Variants in CEP57L1 observed in about 807,000 individuals in gnomAD.
CEP57L1 encodes centrosomal protein CEP57L1.
CEP57L1 carries 37 observed loss-of-function variants against 61.0 expected under a neutral mutation model. The observed-to-expected ratio is 0.61, with a 90% CI of 0.47 to 0.80. The LOEUF (loss-of-function observed/expected upper bound fraction) is 0.80, where lower values mean the gene tolerates loss of function less well. CEP57L1 is among the 30% of genes least tolerant of loss of function. CEP57L1 has a pLI of 0.00. For synonymous variants in CEP57L1, 137 were observed against 162.3 expected, an observed-to-expected ratio of 0.84 and a Z score of 1.19; for missense variants, 422 against 524.7, an observed-to-expected ratio of 0.80 and a Z score of 1.91.
intron 3 of CEP57L1, among the ~76,000 whole-genome samples, chr6:109,149,911 C>T (rs931790543): frequency 6.6e-6 from 1 of 152,008 alleles, no homozygotes; most frequent in African/African-American, 2.4e-5. Context: ...CATGATTTGG[C>T]TCTCTGTTTG....
rs550124808 is a variant in CEP57L1 at position 109,172,007 on chromosome 6, G to A, written c.*9037G>A. Among the ~76,000 whole-genome samples the A allele has an allele frequency of 1.1e-4, 16 of 152,282 alleles. No homozygotes were observed. The highest frequency in any genetic ancestry group is 1.0e-3 in the South Asian group (5 of 4,826). ...CCTTCAGGATCAGTGATTCACTGGA[G>A]GGACTCACAGAACTCAGAAAAGCTG... On this transcript the variant is annotated 3_prime_UTR_variant, in exon 11 of 11. Transcript: ENST00000517392.
intron 7 of CEP57L1, chr6:109,158,095 G>A (rs1170536784): frequency 1.3e-5 from 2 of 152,358 alleles, no homozygotes; most frequent in Non-Finnish European, 2.9e-5. Context: ...TTTTTCCCTT[G>A]AGGTCCGTCC....
intron 1 of CEP57L1, among the ~76,000 whole-genome samples, chr6:109,110,455 T>G (rs1729505608): frequency 6.6e-6 from 1 of 152,214 alleles, no homozygotes; most frequent in South Asian, 2.1e-4. Flanking sequence ...CTGCAAAAAT[T>G]TTCTCCCATT....
chr6:109,104,450 G>A (rs1770678470), intron 1 of CEP57L1, among the ~76,000 whole-genome samples: 1 of 152,152 alleles, frequency 6.6e-6, no homozygotes, highest in Non-Finnish European at 1.5e-5. Context: ...GATATACACA[G>A]GATCACATTT....
At chr6:109,095,756 C>A (rs1306768148) in intron 1 of CEP57L1, among the ~76,000 whole-genome samples, 181 bp downstream of exon 1, 1 of 152,076 alleles carries the variant, frequency 6.6e-6, no homozygotes, top group African/African-American at 2.4e-5. Context: ...GTGGGTGAGG[C>A]AAGGATTTGG....
chr6:109,097,518 A>G (rs977599253), intron 1 of CEP57L1, among the ~76,000 whole-genome samples: 1 of 152,168 alleles, frequency 6.6e-6, no homozygotes, highest in Admixed American at 6.5e-5. Flanking sequence ...ATTGGTTCTC[A>G]TATTCCATTT....
At chr6:109,156,547 G>A (rs769575147) in intron 7 of CEP57L1, 1 of 151,952 alleles carries the variant, frequency 6.6e-6, no homozygotes, top group African/African-American at 2.4e-5. Context: ...ATATATAATG[G>A]TATGAAAAAA....
intron 7 of CEP57L1, 48 bp from the exon 8 acceptor site, chr6:109,158,977 A>G: frequency 6.4e-7 from 1 of 1,557,876 alleles, no homozygotes. Context: ...ATCGTAAATA[A>G]CTTTTAAAAT....
intron 1 of CEP57L1, among the ~76,000 whole-genome samples, chr6:109,106,554 G>A (rs1216176577): frequency 1.3e-5 from 2 of 152,106 alleles, no homozygotes; most frequent in Non-Finnish European, 2.9e-5. Context: ...CTAAGACTTT[G>A]AGTTTAACTT....
At chr6:109,107,230 CCA>C (rs1375787153) in intron 1 of CEP57L1, among the ~76,000 whole-genome samples, 1 of 151,972 alleles carries the variant, frequency 6.6e-6, no homozygotes, top group African/African-American at 2.4e-5. Flanking sequence ...AAAAATCCAA[CCA>C]TGATTCACGA....
chr6:109,143,653 C>T (rs1771658437), intron 1 of CEP57L1, among the ~76,000 whole-genome samples: 1 of 152,072 alleles, frequency 6.6e-6, no homozygotes, highest in South Asian at 2.1e-4. Flanking sequence ...ATTTCATATA[C>T]ATTAAAAACC....
At chr6:109,121,618 T>G (rs1188470981) in intron 1 of CEP57L1, among the ~76,000 whole-genome samples, 1 of 152,174 alleles carries the variant, frequency 6.6e-6, no homozygotes, top group Non-Finnish European at 1.5e-5. Context: ...GTTTGTCTTG[T>G]TATGTCTGGA....
At chr6:109,147,221 C>T (rs765643694) in intron 3 of CEP57L1, among the ~76,000 whole-genome samples, 3 of 151,852 alleles carry the variant, frequency 2.0e-5, no homozygotes, top group Admixed American at 6.6e-5. Context: ...TCAGAATAGC[C>T]AACAAACTCC....
In CEP57L1 at chr6:109,169,190, C is replaced by T. The variant is rs148079431; in HGVS notation, c.*6220C>T. On this transcript the variant is annotated 3_prime_UTR_variant, in exon 11 of 11. Coordinates refer to ENST00000517392, the MANE Select transcript of CEP57L1 (RefSeq NM_001271852.3). ...GCAGTAAGCTGAGATTGTGCCACTG[C>T]ACTCTAGCCTGAGCAGCAGAGTGAG... Among the ~76,000 whole-genome samples the T allele has an allele frequency of 9.1e-3, 1,296 of 142,168 alleles. 21 individuals carry two copies. The highest frequency in any genetic ancestry group is 0.032 in the African/African-American group (1,237 of 38,346). The allele number at this position is 142,168 out of a possible 152,430, so 93.3% of individuals were successfully genotyped here. A position where few individuals can be genotyped will look rare whatever the true frequency, so the allele number is the denominator to read the frequency against.
rs192981242 is a variant in CEP57L1, at chr6:109,138,790, C to T, written c.-3-6429C>T. On this transcript the variant is annotated intron_variant, in intron 1 of 10. Coordinates refer to ENST00000517392, the MANE Select transcript of CEP57L1 (RefSeq NM_001271852.3). ...CTTACAGAAACTGCATACAATAGTCCCCCCTTGTCCATGAGGGGTATGTTC... is the reference window on the plus strand; with the variant it reads ...CTTACAGAAACTGCATACAATAGTCTCCCCTTGTCCATGAGGGGTATGTTC... Among the ~76,000 whole-genome samples, 383 of 152,196 alleles carry T rather than the reference C, an allele frequency of 2.5e-3. 1 individual carries two copies. The highest frequency in any genetic ancestry group is 4.4e-3 in the Non-Finnish European group (298 of 68,010).
intron 1 of CEP57L1, among the ~76,000 whole-genome samples, chr6:109,135,750 C>G (rs1296575843): frequency 6.6e-6 from 1 of 151,872 alleles, no homozygotes. Flanking sequence ...AACAAGTGGG[C>G]AAAGGATATG....
intron 1 of CEP57L1, among the ~76,000 whole-genome samples, chr6:109,142,946 G>GCTCTCTCTCTCTCTCTCT (rs35714375): frequency 5.4e-5 from 3 of 55,528 alleles, no homozygotes; most frequent in Admixed American, 2.0e-4. Context: ...TGTCTCTCTT[G>GCTCTCTCTCTCTCTCTCT]CTCTCTCTCT....
At chr6:109,139,105 C>T (rs991674368) in intron 1 of CEP57L1, among the ~76,000 whole-genome samples, 1 of 152,186 alleles carries the variant, frequency 6.6e-6, no homozygotes, top group Non-Finnish European at 1.5e-5. Context: ...AACACAAGCA[C>T]TGTGATACTA....
chr6:109,123,957 G>C (rs1773261621), intron 1 of CEP57L1, among the ~76,000 whole-genome samples: 1 of 152,010 alleles, frequency 6.6e-6, no homozygotes, highest in Non-Finnish European at 1.5e-5. Context: ...TGTAATCCCT[G>C]CTACTTGGGA....
Sources: gnomAD v4.1 joint callset for allele counts (sites outside exome capture counted in the v4.1 genomes callset) on GRCh38, gnomAD v4.1.1 for gene constraint, MANE v1.5 for transcripts, NCBI Gene and HGNC (gene_info 2026-07-23, HGNC 2026-07-21) for gene names.